The following CLCN2 variants were observed in gnomAD, a reference collection of about 807,000 sequenced individuals.
CLCN2 encodes the protein chloride channel protein 2.
In CLCN2, 72 loss-of-function variants were observed where a neutral mutation model predicts 108.3. That is an observed-to-expected ratio of 0.66 (90% CI 0.55 to 0.81). The LOEUF is 0.81. CLCN2 is among the 30% of genes least tolerant of loss of function. CLCN2 has a pLI of 0.00. For missense variants in CLCN2, 1,048 were observed against 1,205.2 expected (o/e 0.87, Z 1.93); for synonymous variants, 471 against 467.1 (o/e 1.01, Z -0.11).
Position 184,355,908 on chromosome 3 carries a change from T to C in CLCN2, c.1086-130A>G, listed in dbSNP as rs1728515544. 1 of 772,490 alleles carries C rather than the reference T, an allele frequency of 1.3e-6. No homozygotes were observed. The highest frequency in any genetic ancestry group is 2.3e-6 in the Non-Finnish European group (1 of 440,764). 47.9% of individuals were successfully genotyped at this position (772,490 alleles called of 1,614,324 possible). On this transcript the variant is annotated intron_variant, in intron 10 of 23. Coordinates refer to ENST00000265593, the MANE Select transcript of CLCN2 (RefSeq NM_004366.6). This position sits in a 1 kb window ranked among gnomAD's most constrained non-coding sequence, Gnocchi z 6.3. Reference sequence around the variant, plus strand: ...ACTCAGTCCTGACAGAAGGTCTCCTTTGCTGTTTATGATACGATAGCCCCA... The same window carrying C: ...ACTCAGTCCTGACAGAAGGTCTCCTCTGCTGTTTATGATACGATAGCCCCA...
chr3:184,348,427 T>C (rs1483171898), intron 22 of CLCN2: 6 of 143,752 alleles, frequency 4.2e-5, no homozygotes, highest in African/African-American at 1.0e-4. Flanking sequence ...GCAGAGGCTA[T>C]AGTGAGCCAT....
chr3:184,351,187 A>T lies in CLCN2; in HGVS notation c.2415+826T>A, dbSNP rs73887461. Among the ~76,000 whole-genome samples, 1,377 of 152,180 alleles carry T rather than the reference A, an allele frequency of 9.0e-3. 15 individuals carry two copies. The highest frequency in any genetic ancestry group is 0.032 in the African/African-American group (1,308 of 41,512). ...TGTGTAAGCTGAATGCCCAAGCTGCAGGTTTTGGGTACATCTACCTGCTGC... is the reference window on the plus strand; with the variant it reads ...TGTGTAAGCTGAATGCCCAAGCTGCTGGTTTTGGGTACATCTACCTGCTGC... On this transcript the variant is annotated intron_variant, in intron 22 of 23. Transcript: ENST00000265593.
Position 184,357,681 on chromosome 3 carries a change from T to A in CLCN2, c.711A>T (p.Thr237=), listed in dbSNP as rs1489243014. The change falls in exon 7 of 24, where the codon ACA becomes ACT. Residue 237 remains threonine (T), a synonymous_variant. Transcript: ENST00000265593. ...GGIYENESRN[T]EMLAAACAVG... is the part of the protein sequence containing the mutation. ...CGGCACAGGCGGCAGCCAGCATCTC[T>A]GTGTTCCGGGATTCATTCTGGCGAG... 9.3e-6 allele frequency: 15 copies of A among 1,614,006 alleles called. No homozygotes were observed. Among genetic ancestry groups the A allele is most frequent in the Non-Finnish European group, 1.3e-5 (15 of 1,179,944 alleles).
At chr3:184,358,405 A>G in intron 3 of CLCN2, 95 bp from the exon 4 acceptor site, 6 of 1,562,558 alleles carry the variant, frequency 3.8e-6, no homozygotes, top group Non-Finnish European at 5.3e-6. Flanking sequence ...CCCAGGGAGT[A>G]CCACACAGAG....
Position 184,354,975 on chromosome 3 carries a change from T to A in CLCN2, c.1327-2A>T. ...GGTGGCCAGTGCAGACATCCAGAAC[T>A]GCAGGCAGGGGGTGGTTCAAAGGCG... On this transcript the variant is annotated splice_acceptor_variant, in intron 12 of 23. Coordinates refer to ENST00000265593, the MANE Select transcript of CLCN2 (RefSeq NM_004366.6). LOFTEE classifies it high-confidence loss of function. 1 of 1,613,694 alleles carries A rather than the reference T, an allele frequency of 6.2e-7. No individual in the cohort carries two copies. Among genetic ancestry groups the A allele is most frequent in the Non-Finnish European group, 8.5e-7 (1 of 1,179,900 alleles).
intron 22 of CLCN2, 101 bp downstream of exon 22, chr3:184,351,912 C>T (rs1376470238): frequency 1.7e-5 from 15 of 863,756 alleles, no homozygotes; most frequent in Non-Finnish European, 3.0e-5. Context: ...CCTTCTCCTC[C>T]CTCCTTCCCC....
At chr3:184,347,180 G>A (rs533275942) in intron 22 of CLCN2, 159 bp from the exon 23 acceptor site, 14 of 700,248 alleles carry the variant, frequency 2.0e-5, no homozygotes, top group African/African-American at 1.8e-4. Context: ...AATAACAATC[G>A]TAATAATAAT....
intron 15 of CLCN2, 78 bp from the exon 16 acceptor site, chr3:184,353,873 A>C: frequency 6.4e-7 from 1 of 1,564,476 alleles, no homozygotes; most frequent in Non-Finnish European, 8.7e-7. Context: ...CAGGGCCACA[A>C]GGAGGGCTCC....
At chr3:184,356,424 T>C (rs925207359) in intron 10 of CLCN2, 1 of 164,526 alleles carries the variant, frequency 6.1e-6, no homozygotes, top group Admixed American at 5.6e-5. Flanking sequence ...TGGGCAGACC[T>C]GAGGTCGGGA....
intron 2 of CLCN2, 52 bp downstream of exon 2, chr3:184,358,923 G>T: frequency 6.2e-7 from 1 of 1,613,356 alleles, no homozygotes; most frequent in South Asian, 1.1e-5. Context: ...AATGGCCTCT[G>T]CTTCCCTCAG....
At chr3:184,353,592 C>G in intron 16 of CLCN2, 70 bp downstream of exon 16, 1 of 1,598,646 alleles carries the variant, frequency 6.3e-7, no homozygotes. Context: ...TGGTCCTGAG[C>G]TCCCTGCCCC....
intron 22 of CLCN2, chr3:184,348,284 T>C (rs1727836225): frequency 6.6e-6 from 1 of 152,104 alleles, no homozygotes; most frequent in African/African-American, 2.4e-5. Context: ...GTAGAATGCT[T>C]GAGCCCAGGA....
intron 15 of CLCN2, 133 bp downstream of exon 15, chr3:184,353,968 T>C: frequency 7.4e-7 from 1 of 1,355,302 alleles, no homozygotes; most frequent in Non-Finnish European, 1.0e-6. Context: ...CTACAGCCCC[T>C]CCAGAGTGTG....
At chr3:184,357,509 G>A (rs1167222002) in intron 7 of CLCN2, 22 bp from the exon 8 acceptor site, 1 of 1,614,150 alleles carries the variant, frequency 6.2e-7, no homozygotes, top group Non-Finnish European at 8.5e-7. Flanking sequence ...AGGGAGACCA[G>A]CACTTGAGGC....
chr3:184,356,665 C>A (rs1728576764), intron 10 of CLCN2: 1 of 316,144 alleles, frequency 3.2e-6, no homozygotes, highest in Non-Finnish European at 6.0e-6. Flanking sequence ...AAAGAGATCT[C>A]ATCTATCCCC....
At chr3:184,347,516 C>T (rs747290960) in intron 22 of CLCN2, 22 of 267,850 alleles carry the variant, frequency 8.2e-5, no homozygotes, top group African/African-American at 1.5e-4. Flanking sequence ...CGGAGAGGGA[C>T]GCACAACCCC....
rs1033578724 is a variant in CLCN2, at chr3:184,353,919, G to A, written c.1722-124C>T. Reference sequence around the variant, plus strand: ...CATGGGGACGGGAGCTAAGGACCAAGGGGTGCTCCCACCCTTCTTTCTGAA... The same window carrying A: ...CATGGGGACGGGAGCTAAGGACCAAAGGGTGCTCCCACCCTTCTTTCTGAA... On this transcript the variant is annotated intron_variant, in intron 15 of 23. Coordinates refer to ENST00000265593, the MANE Select transcript of CLCN2 (RefSeq NM_004366.6). The A allele has an allele frequency of 4.1e-6, 6 of 1,472,318 alleles. No homozygotes were observed. In the Admixed American group the frequency reaches 9.9e-5, roughly 24 times the overall value. 91.2% of individuals were successfully genotyped at this position (1,472,318 alleles called of 1,614,324 possible).
rs1340428543 is a variant in CLCN2, at chr3:184,355,551, A to G, written c.1171-22T>C. 1 of 1,614,042 alleles carries G rather than the reference A, an allele frequency of 6.2e-7. No individual in the cohort carries two copies. Among genetic ancestry groups the G allele is most frequent in the Non-Finnish European group, 8.5e-7 (1 of 1,179,990 alleles). ...AGAGCTAGAGTGAACAGGGTGCCTCAGGCTGGGAAACCGACAGGATGAAGG... is the reference window on the plus strand; with the variant it reads ...AGAGCTAGAGTGAACAGGGTGCCTCGGGCTGGGAAACCGACAGGATGAAGG... On this transcript the variant is annotated intron_variant, in intron 11 of 23. Transcript: ENST00000265593. The surrounding 1 kb of genome is among the most constrained non-coding windows in gnomAD (Gnocchi z 6.3).
In CLCN2 at chr3:184,357,419, C is replaced by A. The variant is rs768234445; in HGVS notation, c.841G>T (p.Ala281Ser). The change falls in exon 8 of 24, where the codon GCT becomes TCT. Residue 281 changes from alanine (A) to serine (S), a missense_variant. Transcript: ENST00000265593. ...AVRNYWRGFF[A>S]ATFSAFIFRV... Reference sequence around the variant, plus strand: ...AAGATGAAGGCACTGAAGGTGGCAGCGAAGAAGCCCCGCCAGTAGTTCCGC... The same window carrying A: ...AAGATGAAGGCACTGAAGGTGGCAGAGAAGAAGCCCCGCCAGTAGTTCCGC... The A allele has an allele frequency of 1.3e-5, 21 of 1,613,918 alleles. No individual in the cohort carries two copies. Among genetic ancestry groups the A allele is most frequent in the Admixed American group, 5.0e-5 (3 of 60,010 alleles).
Sources: allele counts gnomAD v4.1 joint callset (sites outside exome capture counted in the v4.1 genomes callset), GRCh38; gene constraint gnomAD v4.1.1; non-coding constraint Gnocchi (gnomAD v3.1); transcripts MANE v1.5; gene names NCBI Gene and HGNC (gene_info 2026-07-23, HGNC 2026-07-21).